CSMD2: variants seen among roughly 807,000 people sequenced by gnomAD.
CSMD2 encodes the protein CUB and sushi domain-containing protein 2.
In CSMD2, 130 loss-of-function variants were observed where a neutral mutation model predicts 398.5. That is an observed-to-expected ratio of 0.33 (90% CI 0.28 to 0.38). CSMD2 has a LOEUF of 0.38. Among genes scored for constraint, CSMD2 ranks in the 10% least tolerant of loss-of-function variants. The pLI, the probability that CSMD2 is intolerant of heterozygous loss-of-function variation, is 1.00. For missense variants in CSMD2, 3,829 were observed against 4,764.9 expected, an observed-to-expected ratio of 0.80 and a Z score of 5.78; for synonymous variants, 1,828 against 1,908.5, an observed-to-expected ratio of 0.96 and a Z score of 1.10.
rs118182347 is a variant in CSMD2 at position 33,764,327 on chromosome 1, C to T, written c.1846+8242G>A. ...GCCCTGGGACGCTTCATAGCTATGACTAGTGCCCATTCTCCAGTACAGTAG... is the reference window on the plus strand; with the variant it reads ...GCCCTGGGACGCTTCATAGCTATGATTAGTGCCCATTCTCCAGTACAGTAG... On this transcript the variant is annotated intron_variant, in intron 13 of 70. Coordinates refer to ENST00000373381, the MANE Select transcript of CSMD2 (RefSeq NM_001281956.2). Among the ~76,000 whole-genome samples, 34 of 152,264 alleles carry T rather than the reference C, an allele frequency of 2.2e-4. 1 individual carries two copies. In the East Asian group the frequency reaches 6.2e-3, roughly 28 times the overall value.
intron 1 of CSMD2, among the ~76,000 whole-genome samples, chr1:34,128,707 G>C (rs1047394783): frequency 3.9e-5 from 6 of 152,130 alleles, no homozygotes; most frequent in Admixed American, 6.5e-5. Flanking sequence ...CTGGGTCATC[G>C]GGGAGTGAGT....
chr1:33,533,022 G>A lies in CSMD2; in HGVS notation c.10171+28C>T, dbSNP rs756003035. On this transcript the variant is annotated intron_variant, in intron 64 of 70. Transcript: ENST00000373381. This position sits in a 1 kb window ranked among gnomAD's most constrained non-coding sequence, Gnocchi z 4.2. ...CCAGCACTTTCAGCCTCCCGCCCTG[G>A]AGAGCTTCCCCGAGCAGGCACACTC... 6 of 1,577,812 alleles carry A rather than the reference G, an allele frequency of 3.8e-6. No homozygotes were observed. The Admixed American group carries it at 8.8e-5, about 23-fold the overall frequency.
At chr1:34,062,215 C>A (rs536427777) in intron 2 of CSMD2, among the ~76,000 whole-genome samples, 2 of 152,302 alleles carry the variant, frequency 1.3e-5, no homozygotes, top group African/African-American at 4.8e-5. Context: ...TAGCTCAAAG[C>A]AAAACCAGAC....
intron 6 of CSMD2, among the ~76,000 whole-genome samples, chr1:33,826,302 C>T (rs1160964448): frequency 6.7e-6 from 1 of 149,746 alleles, no homozygotes; most frequent in Admixed American, 6.6e-5. Context: ...AGGTGGAGTA[C>T]ATTCCCCCAC....
At chr1:33,692,200 G>A (rs145570628) in intron 25 of CSMD2, among the ~76,000 whole-genome samples, 4 of 152,356 alleles carry the variant, frequency 2.6e-5, no homozygotes, top group Admixed American at 1.3e-4. Context: ...AATGGTGATG[G>A]TTCTTTCTCC....
chr1:33,972,017 G>T (rs1035641915), intron 3 of CSMD2, among the ~76,000 whole-genome samples: 4 of 152,126 alleles, frequency 2.6e-5, no homozygotes, highest in Non-Finnish European at 5.9e-5. Context: ...GGACTGCTGC[G>T]TAGGAGGTGA....
chr1:34,013,528 C>T (rs916493671), intron 3 of CSMD2, among the ~76,000 whole-genome samples: 1 of 152,126 alleles, frequency 6.6e-6, no homozygotes, highest in African/African-American at 2.4e-5. Context: ...AGCTGGGAAG[C>T]CCTTCGGGGC....
chr1:33,539,230 T>C (rs1012509580), intron 60 of CSMD2, among the ~76,000 whole-genome samples: 2 of 152,140 alleles, frequency 1.3e-5, no homozygotes, highest in Admixed American at 1.3e-4. Context: ...CCTCCCAAAG[T>C]GCTGAGATTA....
In CSMD2 at chr1:33,527,257, C is replaced by T. The variant is rs764372678; in HGVS notation, c.10173G>A (p.Glu3391=). The change falls in exon 65 of 71, where the codon GAG becomes GAA. Residue 3391 remains glutamate (E), a splice_region_variant and synonymous_variant. Coordinates refer to ENST00000373381, the MANE Select transcript of CSMD2 (RefSeq NM_001281956.2). ...TGATGGGTCTCCCACTGGGCCGGAC[C>T]TCTGCTGGGGAAAAAGAGTGGAAGA... ...SWTGKPPICL[E]VRPSGRPINT... 1 of 1,612,128 alleles carries T rather than the reference C, an allele frequency of 6.2e-7. No homozygotes were observed. Among genetic ancestry groups the T allele is most frequent in the African/African-American group, 1.3e-5 (1 of 74,816 alleles).
intron 1 of CSMD2, among the ~76,000 whole-genome samples, chr1:34,112,600 G>A (rs762770666): frequency 3.3e-5 from 5 of 152,158 alleles, no homozygotes; most frequent in Non-Finnish European, 7.3e-5. Context: ...CCAGAGACTG[G>A]GGCATGAATT....
At chr1:33,648,187 C>A (rs1243843820) in intron 28 of CSMD2, among the ~76,000 whole-genome samples, 1 of 151,836 alleles carries the variant, frequency 6.6e-6, no homozygotes, top group Non-Finnish European at 1.5e-5. Flanking sequence ...ACGGTGAAAC[C>A]CCGTCTCTAC....
Position 33,648,179 on chromosome 1 carries a change from G to A in CSMD2, c.4587-1344C>T, listed in dbSNP as rs180804621. On this transcript the variant is annotated intron_variant, in intron 28 of 70. Coordinates refer to ENST00000373381, the MANE Select transcript of CSMD2 (RefSeq NM_001281956.2). ...AGATCGAGACCATCCTGACTAACACGGTGAAACCCCGTCTCTACTAAAAAT... is the reference window on the plus strand; with the variant it reads ...AGATCGAGACCATCCTGACTAACACAGTGAAACCCCGTCTCTACTAAAAAT... Among the ~76,000 whole-genome samples the A allele has an allele frequency of 1.4e-4, 22 of 152,134 alleles. No individual in the cohort carries two copies. The East Asian group carries it at 1.9e-3, about 13-fold the overall frequency.
intron 37 of CSMD2, 51 bp downstream of exon 37, chr1:33,622,116 C>G: frequency 7.1e-7 from 1 of 1,407,996 alleles, no homozygotes; most frequent in Non-Finnish European, 1.0e-6. Flanking sequence ...GGCTCAGCAA[C>G]TTTTAGGTCC....
chr1:33,552,901 A>G (rs1184095135), intron 55 of CSMD2, among the ~76,000 whole-genome samples: 1 of 152,244 alleles, frequency 6.6e-6, no homozygotes, highest in Non-Finnish European at 1.5e-5. Context: ...AATTGTATAC[A>G]TTAAAAGAAT....
intron 3 of CSMD2, among the ~76,000 whole-genome samples, chr1:33,947,976 C>T (rs1238841687): frequency 6.6e-6 from 1 of 152,168 alleles, no homozygotes; most frequent in Non-Finnish European, 1.5e-5. Context: ...ACCTAGTCAG[C>T]CTGACTTTGG....
chr1:33,524,180 A>T (rs953586065), intron 66 of CSMD2, among the ~76,000 whole-genome samples: 3 of 152,220 alleles, frequency 2.0e-5, no homozygotes, highest in Non-Finnish European at 4.4e-5. Context: ...CAACACTGGC[A>T]TAATATTTCA....
chr1:33,727,721 C>T (rs1463471187), intron 15 of CSMD2, among the ~76,000 whole-genome samples: 1 of 152,168 alleles, frequency 6.6e-6, no homozygotes, highest in Non-Finnish European at 1.5e-5. Flanking sequence ...GAGCAGACAT[C>T]CCTGATGACC....
intron 10 of CSMD2, among the ~76,000 whole-genome samples, chr1:33,807,613 A>G (rs561980957): frequency 1.3e-5 from 2 of 152,176 alleles, no homozygotes; most frequent in Non-Finnish European, 2.9e-5. Flanking sequence ...ACTTGAGAAA[A>G]AATTAAGGTA....
intron 3 of CSMD2, among the ~76,000 whole-genome samples, chr1:34,005,929 A>C (rs976182535): frequency 2.0e-5 from 3 of 152,224 alleles, no homozygotes; most frequent in Non-Finnish European, 4.4e-5. Context: ...CACAAATAGC[A>C]CATGTGCCAC....
Sources: gnomAD v4.1 joint callset for allele counts (sites outside exome capture counted in the v4.1 genomes callset) on GRCh38, gnomAD v4.1.1 for gene constraint, Gnocchi (gnomAD v3.1) non-coding constraint, MANE v1.5 for transcripts, NCBI Gene and HGNC (gene_info 2026-07-23, HGNC 2026-07-21) for gene names.